SI: variants seen among roughly 807,000 people sequenced by gnomAD.
SI encodes sucrase-isomaltase, also known as sucrase-isomaltase, intestinal.
Under a neutral mutation model 253.3 loss-of-function variants are expected in SI, and 235 were observed. That is an observed-to-expected ratio of 0.93 (90% CI 0.83 to 1.03). The LOEUF is 1.03. Among genes scored for constraint, SI ranks in the 50% least tolerant of loss-of-function variants. The pLI, the probability that SI is intolerant of heterozygous loss-of-function variation, is 0.00. For missense variants in SI, 2,442 were observed against 2,211.1 expected, an observed-to-expected ratio of 1.10 and a Z score of -2.09; for synonymous variants, 819 against 712.0, an observed-to-expected ratio of 1.15 and a Z score of -2.39.
chr3:165,002,630 A>T (rs1718306534), intron 37 of SI, among the ~76,000 whole-genome samples: 1 of 151,838 alleles, frequency 6.6e-6, no homozygotes, highest in East Asian at 1.9e-4. Context: ...AAACAGAAAG[A>T]CTTTACTCTT....
At chr3:165,010,451 G>A (rs994839614) in intron 34 of SI, among the ~76,000 whole-genome samples, 11 of 152,100 alleles carry the variant, frequency 7.2e-5, no homozygotes, top group South Asian at 2.1e-4. Context: ...GTGAGCCACC[G>A]CACCTGGCCT....
intron 3 of SI, among the ~76,000 whole-genome samples, chr3:165,070,826 ACT>A (rs1252253941): frequency 6.6e-6 from 1 of 152,040 alleles, no homozygotes; most frequent in African/African-American, 2.4e-5. Context: ...ACAGAAATTT[ACT>A]CTCTCACCGT....
intron 8 of SI, among the ~76,000 whole-genome samples, chr3:165,062,823 T>C (rs1357564364): frequency 2.6e-5 from 4 of 152,076 alleles, no homozygotes; most frequent in Non-Finnish European, 5.9e-5. Context: ...GTCGTTTAAA[T>C]TGAAGATTAT....
intron 29 of SI, 47 bp downstream of exon 29, chr3:165,017,923 G>A: frequency 1.3e-6 from 2 of 1,583,916 alleles, no homozygotes; most frequent in Non-Finnish European, 1.7e-6. Flanking sequence ...ACTAGTTTAT[G>A]AAAAAGTCAC....
intron 9 of SI, among the ~76,000 whole-genome samples, chr3:165,060,858 AT>A: frequency 6.9e-6 from 1 of 145,734 alleles, no homozygotes; most frequent in East Asian, 2.0e-4. Context: ...TGGTATATAT[AT>A]TAAAAAAAAA....
Position 165,037,923 on chromosome 3 carries a change from T to C in SI, c.2403A>G (p.Glu801=), listed in dbSNP as rs1712613661. The C allele has an allele frequency of 2.5e-6, 4 of 1,609,490 alleles. No individual in the cohort carries two copies. In the South Asian group the frequency reaches 4.4e-5, roughly 18 times the overall value. ...ACCTTGCTGTTGTTGTTACATCTGG[T>C]TCTTGAATGGGGATGATATAACCTC... ...LRGGYIIPIQ[E]PDVTTTASRK... The change falls in exon 21 of 48, where the codon GAA becomes GAG. Residue 801 remains glutamate, a synonymous_variant. Coordinates refer to ENST00000264382, the MANE Select transcript of SI (RefSeq NM_001041.4).
At chr3:165,029,321 C>T (rs1018637876) in intron 25 of SI, among the ~76,000 whole-genome samples, 2 of 150,546 alleles carry the variant, frequency 1.3e-5, no homozygotes, top group Admixed American at 1.3e-4. Flanking sequence ...GACACTTCTA[C>T]ACTGATAGTG....
rs1178066459 is a variant in SI at position 164,983,047 on chromosome 3, G to A, written c.5202C>T (p.Thr1734=). The A allele has an allele frequency of 4.5e-6, 7 of 1,545,228 alleles. No individual in the cohort carries two copies. The part of the protein sequence containing the change: ...LFWDDGESID[T]YERDLYLSVQ... Reference sequence around the variant, plus strand: ...CAGATAAATATAGGTCTCTTTCATAGGTGTCTGTAGAGAGAGAAAAAAAAT... The same window carrying A: ...CAGATAAATATAGGTCTCTTTCATAAGTGTCTGTAGAGAGAGAAAAAAAAT... Residue 1734 remains threonine (T), a synonymous_variant, in exon 46 of 48, where the codon ACC becomes ACT. Coordinates refer to ENST00000264382, the MANE Select transcript of SI (RefSeq NM_001041.4).
intron 16 of SI, among the ~76,000 whole-genome samples, chr3:165,044,687 T>C (rs1196249744): frequency 2.0e-5 from 3 of 152,150 alleles, no homozygotes; most frequent in East Asian, 1.9e-4. Context: ...TAACATTTCC[T>C]GGTGAGTTGC....
At chr3:165,046,083 G>A (rs1462502613) in intron 16 of SI, among the ~76,000 whole-genome samples, 3 of 151,738 alleles carry the variant, frequency 2.0e-5, no homozygotes, top group East Asian at 3.9e-4. Flanking sequence ...CACCTACCTC[G>A]GCTTCTCAAA....
At chr3:165,026,289 C>T (rs1711917298) in intron 25 of SI, among the ~76,000 whole-genome samples, 1 of 151,162 alleles carries the variant, frequency 6.6e-6, no homozygotes, top group African/African-American at 2.4e-5. Context: ...TATCACAATC[C>T]TAAATATATA....
At chr3:165,001,232 T>G (rs1259628247) in intron 37 of SI, among the ~76,000 whole-genome samples, 1 of 151,344 alleles carries the variant, frequency 6.6e-6, no homozygotes, top group Non-Finnish European at 1.5e-5. Context: ...TTGGATGGTG[T>G]TAAATTATTT....
At chr3:165,045,895 C>T (rs1713082338) in intron 16 of SI, among the ~76,000 whole-genome samples, 1 of 144,216 alleles carries the variant, frequency 6.9e-6, no homozygotes, top group South Asian at 2.2e-4. Context: ...AAAGTGAGTC[C>T]CAATCTTGGC....
At chr3:165,046,819 A>G in intron 16 of SI, 22 bp downstream of exon 16, 2 of 1,581,500 alleles carry the variant, frequency 1.3e-6, no homozygotes, top group Non-Finnish European at 1.7e-6. Flanking sequence ...TTTATGAGTA[A>G]CACTCTATGA....
At chr3:165,062,312 C>A in intron 9 of SI, 59 bp downstream of exon 9, 1 of 823,024 alleles carries the variant, frequency 1.2e-6, no homozygotes, top group South Asian at 1.4e-5. Flanking sequence ...AATATGTGGT[C>A]ATGTTAGATG....
At chr3:165,076,309 G>A (rs1714969521) in intron 1 of SI, among the ~76,000 whole-genome samples, 1 of 151,596 alleles carries the variant, frequency 6.6e-6, no homozygotes, top group Admixed American at 6.6e-5. Flanking sequence ...AAATACAGAT[G>A]GAAAAAAAGA....
chr3:165,040,383 T>G (rs985106478), intron 18 of SI, among the ~76,000 whole-genome samples: 4 of 152,058 alleles, frequency 2.6e-5, no homozygotes, highest in Admixed American at 2.6e-4. Context: ...TTACTTTTTA[T>G]TTATACAAAA....
chr3:165,022,340 A>T (rs550135945), intron 26 of SI, among the ~76,000 whole-genome samples: 5 of 151,798 alleles, frequency 3.3e-5, no homozygotes, highest in African/African-American at 1.2e-4. Context: ...TGCTAGCCAG[A>T]TACAAAATAA....
intron 25 of SI, 47 bp downstream of exon 25, chr3:165,030,665 G>A: frequency 1.3e-6 from 2 of 1,574,964 alleles, no homozygotes; most frequent in African/African-American, 1.4e-5. Context: ...GCACCAAAAT[G>A]CTTATGTGAT....
Sources: gnomAD v4.1 joint callset for allele counts (sites outside exome capture counted in the v4.1 genomes callset) on GRCh38, gnomAD v4.1.1 for gene constraint, MANE v1.5 for transcripts, NCBI Gene and HGNC (gene_info 2026-07-23, HGNC 2026-07-21) for gene names.